The following PCDHGB1 variants were observed in gnomAD, a reference collection of about 807,000 sequenced individuals.
The protein encoded by PCDHGB1 is protocadherin gamma-B1.
A neutral mutation model predicts 56.6 loss-of-function variants in PCDHGB1; 34 were observed. That is an observed-to-expected ratio of 0.60 (90% CI 0.46 to 0.80). The LOEUF (loss-of-function observed/expected upper bound fraction) is 0.80. Ranked by LOEUF, PCDHGB1 falls within the 30% of genes least tolerant of loss-of-function variation. The pLI, the probability that PCDHGB1 is intolerant of heterozygous loss-of-function variation, is 0.00. For missense variants in PCDHGB1, 1,278 were observed against 1,204.6 expected (o/e 1.06, Z -0.90); for synonymous variants, 561 against 505.9 (o/e 1.11, Z -1.46).
At chr5:141,447,238 C>G (rs1028683423) in intron 1 of PCDHGB1, among the ~76,000 whole-genome samples, 2 of 152,148 alleles carry the variant, frequency 1.3e-5, no homozygotes, top group Non-Finnish European at 2.9e-5. Context: ...CTCCCGGGTT[C>G]AAGTGATTCT....
chr5:141,441,671 C>T (rs1027440120), intron 1 of PCDHGB1: 1 of 287,648 alleles, frequency 3.5e-6, no homozygotes, highest in African/African-American at 2.3e-5. Flanking sequence ...GCGCACAGTG[C>T]GCCTTCGACC....
Position 141,432,326 on chromosome 5 carries a change from G to C in PCDHGB1, c.2410-62481G>C. The C allele has an allele frequency of 1.2e-6, 2 of 1,614,228 alleles. No individual in the cohort carries two copies. The highest frequency in any genetic ancestry group is 2.2e-5 in the East Asian group (1 of 44,890). On this transcript the variant is annotated intron_variant, in intron 1 of 3. Transcript: ENST00000523390. This position sits in a 1 kb window ranked among gnomAD's most constrained non-coding sequence, Gnocchi z 6.0. ...GTATGCGCTGAGCTCCTTCGACTAC[G>C]AGCAGTTCCGAGACTTGCAAGTGAA...
chr5:141,376,796 C>G (rs1030059088), intron 1 of PCDHGB1: 1 of 345,194 alleles, frequency 2.9e-6, no homozygotes, highest in South Asian at 3.6e-5. Flanking sequence ...ACGCCATTCT[C>G]CTGCCTCAGC....
chr5:141,366,178 C>A lies in PCDHGB1; in HGVS notation c.2409+13509C>A, dbSNP rs778986920. The stretch of plus-strand genomic sequence containing the variant: ...TGCTTAAGGCCAGCGAGCCAGGACT[C>A]TTTGCGGTTGGGCTGCACACGGGCG... On this transcript the variant is annotated intron_variant, in intron 1 of 3. Coordinates refer to ENST00000523390, the MANE Select transcript of PCDHGB1 (RefSeq NM_018922.3). The A allele has an allele frequency of 3.1e-6, 5 of 1,613,926 alleles. No individual in the cohort carries two copies. In the Admixed American group the frequency reaches 8.3e-5, roughly 27 times the overall value.
chr5:141,479,333 G>A (rs2154577502), intron 1 of PCDHGB1: 1 of 152,652 alleles, frequency 6.6e-6, no homozygotes, highest in East Asian at 1.9e-4. Context: ...TCAGTGGTGT[G>A]CACCTGTAGT....
rs183952562 is a variant in PCDHGB1 at position 141,423,399 on chromosome 5, C to A, written c.2409+70730C>A. On this transcript the variant is annotated intron_variant, in intron 1 of 3. Transcript: ENST00000523390. ...GGCTGTGGCGCTGGCATAAGTCACG[C>A]CTGCTGCAGGCTTCTGAAGGCGGGT... 3.5e-5 allele frequency: 56 copies of A among 1,614,150 alleles called. No homozygotes were observed. The East Asian group carries it at 1.1e-3, about 33-fold the overall frequency.
chr5:141,429,377 GTT>G (rs566693637), intron 1 of PCDHGB1, among the ~76,000 whole-genome samples: 7 of 149,436 alleles, frequency 4.7e-5, no homozygotes, highest in African/African-American at 1.7e-4. Flanking sequence ...GAGAAAATGT[GTT>G]TTTTTTTTAA....
rs144789830 is a variant in PCDHGB1 at position 141,503,198 on chromosome 5, C to T, written c.2469-2195C>T. Among the ~76,000 whole-genome samples the T allele has an allele frequency of 3.7e-3, 561 of 152,172 alleles. 5 individuals carry two copies. Among genetic ancestry groups the T allele is most frequent in the Admixed American group, 0.011 (164 of 15,268 alleles). ...TATTGTGTAATTATTTAAAATCAGC[C>T]TCTCAGTGCCCACCATGAGCACCGT... On this transcript the variant is annotated intron_variant, in intron 2 of 3. Coordinates refer to ENST00000523390, the MANE Select transcript of PCDHGB1 (RefSeq NM_018922.3).
intron 1 of PCDHGB1, among the ~76,000 whole-genome samples, chr5:141,450,008 T>A (rs78952430): frequency 4.8e-4 from 18 of 37,340 alleles, no homozygotes; most frequent in African/African-American, 6.8e-4. Context: ...CCATGTCTCT[T>A]TTTTTTTTTT....
chr5:141,466,686 T>G (rs112499949), intron 1 of PCDHGB1, among the ~76,000 whole-genome samples: 2 of 152,352 alleles, frequency 1.3e-5, no homozygotes, highest in African/African-American at 4.8e-5. Flanking sequence ...CCACTCAAGC[T>G]TCATCATAAA....
intron 1 of PCDHGB1, among the ~76,000 whole-genome samples, chr5:141,397,283 A>G: frequency 6.6e-6 from 1 of 152,232 alleles, no homozygotes; most frequent in East Asian, 1.9e-4. Context: ...TGGGCAGTAT[A>G]CTTGAATGAA....
chr5:141,444,376 G>A (rs977995642), intron 1 of PCDHGB1, among the ~76,000 whole-genome samples: 1 of 151,796 alleles, frequency 6.6e-6, no homozygotes, highest in Non-Finnish European at 1.5e-5. Flanking sequence ...TCTCCATGTT[G>A]GTCAGGCTAG....
chr5:141,362,761 A>G (rs1352755574), intron 1 of PCDHGB1: 3 of 639,654 alleles, frequency 4.7e-6, no homozygotes, highest in Non-Finnish European at 7.9e-6. Flanking sequence ...CCTTTATCAC[A>G]TGAGATATTG....
At chr5:141,353,412 A>T (rs1414392171) in intron 1 of PCDHGB1, among the ~76,000 whole-genome samples, 1 of 152,176 alleles carries the variant, frequency 6.6e-6, no homozygotes, top group Non-Finnish European at 1.5e-5. Context: ...ATCTTCATCA[A>T]TTACATTCTA....
intron 1 of PCDHGB1, chr5:141,357,466 G>A (rs1760618081): frequency 2.5e-6 from 4 of 1,614,180 alleles, no homozygotes; most frequent in Non-Finnish European, 3.4e-6. Context: ...CTATTCCCAC[G>A]AGGTCTCCCT....
chr5:141,419,414 GCCTTCGACCACGAGCAGCTGCGCA>G, intron 1 of PCDHGB1: 1 of 1,613,428 alleles, frequency 6.2e-7, no homozygotes, highest in South Asian at 1.1e-5. Context: ...CGCGCAGCGC[GCCTTCGACCACGAGCAGCTGCGCA>G]CCTTCGAGCT....
Position 141,477,143 on chromosome 5 carries a change from G to A in PCDHGB1, c.2410-17664G>A. Reference sequence around the variant, plus strand: ...ACATTGCAAAGTGTTGGTGGAGGTTGTGGATGTGAATGACAACGCCCCGGA... The same window carrying A: ...ACATTGCAAAGTGTTGGTGGAGGTTATGGATGTGAATGACAACGCCCCGGA... On this transcript the variant is annotated intron_variant, in intron 1 of 3. Transcript: ENST00000523390. This position sits in a 1 kb window ranked among gnomAD's most constrained non-coding sequence, Gnocchi z 4.9. 6.2e-7 allele frequency: 1 copy of A among 1,614,198 alleles called. No individual in the cohort carries two copies. Among genetic ancestry groups the A allele is most frequent in the Non-Finnish European group, 8.5e-7 (1 of 1,180,036 alleles).
chr5:141,433,062 T>G (rs1371087184), intron 1 of PCDHGB1: 1 of 1,614,074 alleles, frequency 6.2e-7, no homozygotes, highest in Non-Finnish European at 8.5e-7. Context: ...AAGAGTCACC[T>G]GATCTTCCCC....
intron 1 of PCDHGB1, chr5:141,427,212 C>T (rs2097000434): frequency 4.4e-6 from 2 of 456,702 alleles, no homozygotes; most frequent in Non-Finnish European, 8.8e-6. Flanking sequence ...CTTCGAATTT[C>T]GTAGCAGTTA....
Sources: gnomAD v4.1 joint callset for allele counts (sites outside exome capture counted in the v4.1 genomes callset) on GRCh38, gnomAD v4.1.1 for gene constraint, Gnocchi (gnomAD v3.1) non-coding constraint, MANE v1.5 for transcripts, NCBI Gene and HGNC (gene_info 2026-07-23, HGNC 2026-07-21) for gene names.